Variants in ROPN1L observed in about 807,000 individuals in gnomAD.
ROPN1L encodes the protein rhophilin associated tail protein 1 like.
ROPN1L carries 23 observed loss-of-function variants against 22.7 expected under a neutral mutation model. That is an observed-to-expected ratio of 1.01 (90% CI 0.73 to 1.43). ROPN1L has a LOEUF of 1.43. Among genes scored for constraint, ROPN1L ranks in the 40% most tolerant of loss-of-function variants. The pLI is 0.00. For synonymous variants in ROPN1L, 116 were observed against 117.8 expected, an observed-to-expected ratio of 0.98 and a Z score of 0.10; for missense variants, 271 against 291.5, an observed-to-expected ratio of 0.93 and a Z score of 0.51.
At chr5:10,476,981 C>A (rs185567729), downstream of ROPN1L, among the ~76,000 whole-genome samples, 2 of 152,342 alleles carry the variant, frequency 1.3e-5, no homozygotes, top group Admixed American at 1.3e-4. Context: ...TATAGTAAAT[C>A]TTTTGGGCTT....
At position 10,452,105 on chromosome 5, in the gene ROPN1L, C is replaced by T. The variant is rs1490277664; in HGVS notation, c.417+1992C>T. ...AAGTGATTCTCCTGCCTCAGCCTCC[C>T]GAGTAGCTGGGATTACAGGCATGCA... On this transcript the variant is annotated intron_variant, in intron 3 of 4. Transcript: ENST00000274134. Among the ~76,000 whole-genome samples, 10 of 152,096 alleles carry T rather than the reference C, an allele frequency of 6.6e-5. No individual in the cohort carries two copies. The South Asian group carries it at 1.2e-3, about 19-fold the overall frequency.
At chr5:10,455,782 T>TAGAGGCTTTTAAAAACCAGTGCTGGGTC (rs70947210) in intron 3 of ROPN1L, among the ~76,000 whole-genome samples, 2,699 of 137,520 alleles carry the variant, frequency 0.02, 140 homozygotes, top group African/African-American at 0.073. Flanking sequence ...AGTGCTGGGT[T>TAGAGGCTTTTAAAAACCAGTGCTGGGTC]AGAGGCTTTT....
chr5:10,475,172 G>A (rs529661663), downstream of ROPN1L, among the ~76,000 whole-genome samples: 5 of 152,080 alleles, frequency 3.3e-5, no homozygotes, highest in South Asian at 2.1e-4. Context: ...AGCAAGTTCC[G>A]CTAGCAGGGC....
intron 3 of ROPN1L, among the ~76,000 whole-genome samples, chr5:10,450,426 A>G (rs1056416750): frequency 1.3e-5 from 2 of 152,238 alleles, no homozygotes; most frequent in African/African-American, 4.8e-5. Context: ...GTAAACTGAT[A>G]ACTGTTTTGC....
At chr5:10,481,149 A>G in the ROPN1L span, among the ~76,000 whole-genome samples, 1 of 152,196 alleles carries the variant, frequency 6.6e-6, no homozygotes, top group East Asian at 1.9e-4. Context: ...GCAGAGACAA[A>G]GGACTTTGCT....
At chr5:10,457,462 G>A (rs569039809) in intron 3 of ROPN1L, among the ~76,000 whole-genome samples, 3 of 152,210 alleles carry the variant, frequency 2.0e-5, no homozygotes, top group African/African-American at 7.2e-5. Flanking sequence ...AGTCACTGGG[G>A]TGAGCTCAGA....
intron 1 of ROPN1L, among the ~76,000 whole-genome samples, chr5:10,447,817 G>T (rs1373725529): frequency 6.6e-6 from 1 of 152,198 alleles, no homozygotes; most frequent in African/African-American, 2.4e-5. Context: ...GGAGGTTGAG[G>T]CTACAGTGAG....
At chr5:10,470,751 A>G (rs1042320509) in intron 4 of ROPN1L, among the ~76,000 whole-genome samples, 1 of 152,260 alleles carries the variant, frequency 6.6e-6, no homozygotes, top group African/African-American at 2.4e-5. Flanking sequence ...GGGCGTGATC[A>G]GGAGAGCCAC....
At position 10,454,449 on chromosome 5, in the gene ROPN1L, T is replaced by C. The variant is rs1159519589; in HGVS notation, c.417+4336T>C. ...GACTTTTATTTTTCCATTTCTACAA[T>C]GCCATTAATGATCCTGAGCATTAAA... On this transcript the variant is annotated intron_variant, in intron 3 of 4. Coordinates refer to ENST00000274134, the MANE Select transcript of ROPN1L (RefSeq NM_031916.5). Among the ~76,000 whole-genome samples the C allele has an allele frequency of 5.3e-5, 8 of 152,200 alleles. No individual in the cohort carries two copies. The East Asian group carries it at 1.5e-3, about 29-fold the overall frequency.
At chr5:10,463,278 G>A (rs1735076134) in intron 4 of ROPN1L, among the ~76,000 whole-genome samples, 1 of 152,196 alleles carries the variant, frequency 6.6e-6, no homozygotes, top group African/African-American at 2.4e-5. Flanking sequence ...AGAGTAAAAA[G>A]GAACAAAGCT....
At chr5:10,478,453 C>A in the ROPN1L span, among the ~76,000 whole-genome samples, 1 of 152,184 alleles carries the variant, frequency 6.6e-6, no homozygotes, top group Non-Finnish European at 1.5e-5. Context: ...TTGGCAGGGC[C>A]ACACTTCCTT....
At position 10,461,277 on chromosome 5, in the gene ROPN1L, G is replaced by T. The variant is rs368430479; in HGVS notation, c.511G>T (p.Val171Phe). 3 of 1,613,988 alleles carry T rather than the reference G, an allele frequency of 1.9e-6. No homozygotes were observed. The highest frequency in any genetic ancestry group is 4.5e-5 in the East Asian group (2 of 44,870). ...CATCCCCTTCAAGACGTTTTCCTAC[G>T]TTTACCGCTACTTGGCCAGATTAGA... is the stretch of plus-strand genomic sequence containing the variant. The part of the protein sequence containing the change: ...ARIPFKTFSY[V>F]YRYLARLDSD... Residue 171 changes from valine (V) to phenylalanine (F), a missense_variant, in exon 4 of 5, where the codon GTT becomes TTT. Coordinates refer to ENST00000274134, the MANE Select transcript of ROPN1L (RefSeq NM_031916.5).
chr5:10,455,483 C>T lies in ROPN1L; in HGVS notation c.417+5370C>T, dbSNP rs555008877. On this transcript the variant is annotated intron_variant, in intron 3 of 4. Transcript: ENST00000274134. ...ACTCCCCTGGCCCCAGCTCCAGTTC[C>T]CCTGATTGCTCATGTCCCTCCCTCT... 5.9e-5 allele frequency among the ~76,000 whole-genome samples: 9 copies of T among 152,330 alleles called. No homozygotes were observed. The South Asian group carries it at 1.7e-3, about 28-fold the overall frequency.
downstream of ROPN1L, among the ~76,000 whole-genome samples, chr5:10,469,072 G>A (rs368445535): frequency 8.4e-4 from 128 of 152,172 alleles, 2 homozygotes; most frequent in East Asian, 0.022. Context: ...GGAGAATGGC[G>A]TGAACCTGGG....
intron 2 of ROPN1L, among the ~76,000 whole-genome samples, chr5:10,449,390 G>A (rs935535453): frequency 2.0e-5 from 3 of 151,954 alleles, no homozygotes; most frequent in African/African-American, 4.8e-5. Flanking sequence ...GTGGTGGTGC[G>A]CACCTGTAAT....
At chr5:10,458,960 C>T (rs1734943521) in intron 3 of ROPN1L, among the ~76,000 whole-genome samples, 1 of 135,228 alleles carries the variant, frequency 7.4e-6, no homozygotes, top group Non-Finnish European at 1.6e-5. Flanking sequence ...TACACCACCC[C>T]ACCTGTATAC....
At chr5:10,445,208 G>C (rs553681282) in intron 1 of ROPN1L, among the ~76,000 whole-genome samples, 7 of 152,172 alleles carry the variant, frequency 4.6e-5, no homozygotes, top group Non-Finnish European at 1.0e-4. Flanking sequence ...CTGACCTCAA[G>C]TAATCTGCCC....
downstream of ROPN1L, among the ~76,000 whole-genome samples, chr5:10,472,857 A>G (rs1394575611): frequency 6.6e-6 from 1 of 152,220 alleles, no homozygotes; most frequent in Non-Finnish European, 1.5e-5. Context: ...AGATTAATTA[A>G]GTTCCTAGTC....
At chr5:10,451,564 A>G (rs987522431) in intron 3 of ROPN1L, among the ~76,000 whole-genome samples, 2 of 152,258 alleles carry the variant, frequency 1.3e-5, no homozygotes, top group African/African-American at 4.8e-5. Flanking sequence ...TCTGTACATC[A>G]CAGGCCACGT....
Sources: allele counts gnomAD v4.1 joint callset (sites outside exome capture counted in the v4.1 genomes callset), GRCh38; gene constraint gnomAD v4.1.1; transcripts MANE v1.5; gene names NCBI Gene and HGNC (gene_info 2026-07-23, HGNC 2026-07-21).